The following PLEKHA2 variants were observed in gnomAD, a reference collection of about 807,000 sequenced individuals.
PLEKHA2 encodes pleckstrin homology domain-containing family A member 2.
A neutral mutation model predicts 53.2 loss-of-function variants in PLEKHA2; 28 were observed. The observed-to-expected ratio is 0.53, with a 90% CI of 0.39 to 0.72. PLEKHA2 has a LOEUF of 0.72. Ranked by LOEUF, PLEKHA2 falls within the 30% of genes least tolerant of loss-of-function variation. The pLI is 0.00. For missense variants in PLEKHA2, 426 were observed against 537.9 expected, an observed-to-expected ratio of 0.79 and a Z score of 2.06; for synonymous variants, 193 against 196.4, an observed-to-expected ratio of 0.98 and a Z score of 0.14.
chr8:38,915,873 T>G (rs62504364), intron 1 of PLEKHA2, among the ~76,000 whole-genome samples: 24,265 of 152,190 alleles, frequency 0.16, 2,368 homozygotes, highest in South Asian at 0.24. Context: ...GTGTATATAT[T>G]TATGGGGTAC....
chr8:38,964,852 CTTTTTTTTTTTTTTTTTTTT>C (rs56714628), intron 10 of PLEKHA2, among the ~76,000 whole-genome samples: 2 of 54,958 alleles, frequency 3.6e-5, no homozygotes, highest in African/African-American at 1.5e-4. Flanking sequence ...TGTTACTTCC[CTTTTTTTTTTTTTTTTTTTT>C]TTTTTTTTTT....
Position 38,969,503 on chromosome 8 carries a change from G to C in PLEKHA2, c.998G>C (p.Arg333Thr), listed in dbSNP as rs767432753. 1 of 1,613,762 alleles carries C rather than the reference G, an allele frequency of 6.2e-7. No individual in the cohort carries two copies. Among genetic ancestry groups the C allele is most frequent in the South Asian group, 1.1e-5 (1 of 91,026 alleles). ...LSSGPNSILC[R>T]GRPPLEEKKA... ...AGTGGGCCCAACTCTATCCTGTGCA[G>C]GGGGCGGCCACCTTTGGAGGAAAAG... The change falls in exon 12 of 12, where the codon AGG (arginine) becomes ACG (threonine). Residue 333 changes from arginine to threonine, a missense_variant. Physicochemically the swap from Arg to Thr is moderately conservative, Grantham distance 71 (BLOSUM62 -1). Coordinates refer to ENST00000617275, the MANE Select transcript of PLEKHA2 (RefSeq NM_021623.2).
At position 38,970,138 on chromosome 8, in the gene PLEKHA2, T is replaced by A; in HGVS notation, c.*355T>A. ...TCTCCAGAGGGGGCTGGAAGTCCAG[T>A]TTCACCAATGACCAAGTTTTATTTC... On this transcript the variant is annotated 3_prime_UTR_variant, in exon 12 of 12. Transcript: ENST00000617275. 2.3e-6 allele frequency: 1 copy of A among 442,524 alleles called. No individual in the cohort carries two copies. The highest frequency in any genetic ancestry group is 3.9e-6 in the Non-Finnish European group (1 of 255,352). 27.4% of individuals were successfully genotyped at this position (442,524 alleles called of 1,614,324 possible).
At chr8:38,955,289 T>A (rs1834919227) in intron 9 of PLEKHA2, among the ~76,000 whole-genome samples, 1 of 152,102 alleles carries the variant, frequency 6.6e-6, no homozygotes, top group African/African-American at 2.4e-5. Context: ...TCCTCAATAG[T>A]TGTTTATGTG....
chr8:38,968,645 C>G lies in PLEKHA2; in HGVS notation c.891C>G (p.Val297=). Residue 297 remains valine (V), a synonymous_variant, in exon 11 of 12, where the codon GTC becomes GTG. Transcript: ENST00000617275. Reference sequence around the variant, plus strand: ...GGATTAAGGAGATTGGCGCAGCTGTCCAGGCCCTCAAGTGCCACCCCAGAG... The same window carrying G: ...GGATTAAGGAGATTGGCGCAGCTGTGCAGGCCCTCAAGTGCCACCCCAGAG... ...HSWIKEIGAA[V]QALKCHPRET... is the part of the protein sequence containing the mutation. 2 of 1,613,988 alleles carry G rather than the reference C, an allele frequency of 1.2e-6. No homozygotes were observed. The highest frequency in any genetic ancestry group is 1.7e-5 in the Admixed American group (1 of 60,022).
chr8:38,955,441 CG>C (rs1394688537), intron 9 of PLEKHA2, among the ~76,000 whole-genome samples: 3 of 152,144 alleles, frequency 2.0e-5, no homozygotes, highest in Non-Finnish European at 4.4e-5. Flanking sequence ...TACATTATGC[CG>C]GATGCCTTCT....
At chr8:38,964,980 A>G (rs1835109065) in intron 10 of PLEKHA2, among the ~76,000 whole-genome samples, 1 of 147,708 alleles carries the variant, frequency 6.8e-6, no homozygotes, top group Non-Finnish European at 1.5e-5. Flanking sequence ...TTAGCCTCCT[A>G]ACATTGTGGG....
rs549552673 is a variant in PLEKHA2, at chr8:38,953,248, A to G, written c.703-49A>G. On this transcript the variant is annotated intron_variant, in intron 8 of 11. Transcript: ENST00000617275. ...TATTGGTCAGCTGGTCTGGGTCGTG[A>G]TATGACACAGACAGCCTCACTTACC... The G allele has an allele frequency of 5.4e-6, 8 of 1,471,838 alleles. No homozygotes were observed. The South Asian group carries it at 6.8e-5, about 13-fold the overall frequency. The allele number at this position is 1,471,838 out of a possible 1,614,324, so 91.2% of individuals were successfully genotyped here.
intron 2 of PLEKHA2, among the ~76,000 whole-genome samples, chr8:38,931,870 G>A (rs1349256515): frequency 6.6e-6 from 1 of 152,182 alleles, no homozygotes; most frequent in African/African-American, 2.4e-5. Flanking sequence ...ACTTGGGCCT[G>A]TTGAGGGATC....
Position 38,907,521 on chromosome 8 carries a change from T to C in PLEKHA2, c.-24+6076T>C, listed in dbSNP as rs913059869. The stretch of plus-strand genomic sequence containing the variant: ...GGCTGGGCACAGTGGCTCATGCCTA[T>C]AATCCCAGCACTTTGGGAGGCTGAG... On this transcript the variant is annotated intron_variant, in intron 1 of 11. Coordinates refer to ENST00000617275, the MANE Select transcript of PLEKHA2 (RefSeq NM_021623.2). Among the ~76,000 whole-genome samples the C allele has an allele frequency of 2.0e-5, 3 of 152,214 alleles. 1 individual carries two copies. Among genetic ancestry groups the C allele is most frequent in the Non-Finnish European group, 4.4e-5 (3 of 68,040 alleles).
At chr8:38,940,773 C>T (rs937404135) in intron 3 of PLEKHA2, among the ~76,000 whole-genome samples, 4 of 151,852 alleles carry the variant, frequency 2.6e-5, no homozygotes, top group East Asian at 1.9e-4. Flanking sequence ...CCTCTGTGTC[C>T]GAACTTGGGA....
Position 38,957,333 on chromosome 8 carries a change from A to G in PLEKHA2, c.784A>G (p.Met262Val). 6.8e-6 allele frequency: 11 copies of G among 1,612,840 alleles called. No homozygotes were observed. The highest frequency in any genetic ancestry group is 9.3e-6 in the Non-Finnish European group (11 of 1,178,996). Residue 262 changes from methionine (M) to valine (V), a missense_variant, in exon 10 of 12, where the codon ATG becomes GTG. Met to Val is a conservative substitution (Grantham distance 21). Transcript: ENST00000617275. ...ECLVKSGDLL[M>V]RDNLFEIITS... Reference sequence around the variant, plus strand: ...TCTTTCTCTGTCTAGTGATCTCTTAATGAGGGACAACCTGTTTGAAATAAT... The same window carrying G: ...TCTTTCTCTGTCTAGTGATCTCTTAGTGAGGGACAACCTGTTTGAAATAAT...
At chr8:38,949,910 C>T (rs548811879) in intron 5 of PLEKHA2, among the ~76,000 whole-genome samples, 80 of 152,304 alleles carry the variant, frequency 5.3e-4, no homozygotes, top group African/African-American at 1.7e-3. Context: ...AAGGGTTATA[C>T]CACACATCTT....
At chr8:38,930,403 C>T (rs1305483439) in intron 2 of PLEKHA2, among the ~76,000 whole-genome samples, 1 of 152,116 alleles carries the variant, frequency 6.6e-6, no homozygotes, top group Non-Finnish European at 1.5e-5. Context: ...GGGGTTTCAC[C>T]ATGTTGGCCA....
At chr8:38,912,843 C>T (rs997451559) in intron 1 of PLEKHA2, among the ~76,000 whole-genome samples, 35 of 152,122 alleles carry the variant, frequency 2.3e-4, no homozygotes, top group Admixed American at 4.6e-4. Context: ...GCCAGTCCTT[C>T]CCCCCACCTC....
intron 1 of PLEKHA2, among the ~76,000 whole-genome samples, chr8:38,914,730 T>C (rs563079499): frequency 1.1e-4 from 16 of 152,310 alleles, no homozygotes; most frequent in South Asian, 1.0e-3. Flanking sequence ...TCTCTGCTCA[T>C]TGAAAGGGGC....
At chr8:38,967,694 C>CTCTG (rs1835166767) in intron 10 of PLEKHA2, among the ~76,000 whole-genome samples, 2 of 150,536 alleles carry the variant, frequency 1.3e-5, no homozygotes, top group South Asian at 4.2e-4. Context: ...CAGAGTCTCA[C>CTCTG]TCTGTCACCC....
At chr8:38,903,376 AC>A (rs1248232802) in intron 1 of PLEKHA2, among the ~76,000 whole-genome samples, 1 of 151,930 alleles carries the variant, frequency 6.6e-6, no homozygotes, top group Non-Finnish European at 1.5e-5. Flanking sequence ...AGTTTTTGCA[AC>A]CCTTTCTTTT....
chr8:38,913,378 A>G (rs531132732), intron 1 of PLEKHA2, among the ~76,000 whole-genome samples: 21 of 151,262 alleles, frequency 1.4e-4, no homozygotes, highest in Non-Finnish European at 2.5e-4. Flanking sequence ...AGGAAAAAAA[A>G]AAAAAAAAGA....
Sources: gnomAD v4.1 joint callset for allele counts (sites outside exome capture counted in the v4.1 genomes callset) on GRCh38, gnomAD v4.1.1 for gene constraint, MANE v1.5 for transcripts, NCBI Gene and HGNC (gene_info 2026-07-23, HGNC 2026-07-21) for gene names.